Variants in KIAA1217 observed in about 807,000 individuals in gnomAD.
KIAA1217 encodes the protein sickle tail protein homolog.
KIAA1217 carries 88 observed loss-of-function variants against 163.9 expected under a neutral mutation model. That is an observed-to-expected ratio of 0.54 (90% CI 0.45 to 0.64). The LOEUF is 0.64. KIAA1217 is among the 30% of genes least tolerant of loss of function. KIAA1217 has a pLI of 0.00. For synonymous variants in KIAA1217, 903 were observed against 923.1 expected (o/e 0.98, Z 0.39); for missense variants, 2,372 against 2,475.0 (o/e 0.96, Z 0.88).
chr10:23,783,488 A>G (rs758420481), intron 1 of KIAA1217, among the ~76,000 whole-genome samples: 2 of 152,292 alleles, frequency 1.3e-5, no homozygotes, highest in South Asian at 2.1e-4. Context: ...GGATTTTTGC[A>G]TCAATATTTA....
chr10:24,433,295 A>G, intron 4 of KIAA1217, 102 bp downstream of exon 4: 1 of 807,646 alleles, frequency 1.2e-6, no homozygotes, highest in Non-Finnish European at 1.9e-6. Flanking sequence ...ACTATATTGC[A>G]TTTAGAGTGT....
rs200965029 is a variant in KIAA1217, at chr10:24,538,606, AAAAAGAGAGGAAGGAAAAAGAG to A, written c.3534+1715_3534+1736del. 4.3e-3 allele frequency among the ~76,000 whole-genome samples: 277 copies of A among 65,112 alleles called. 1 individual carries two copies. Among genetic ancestry groups the A allele is most frequent in the Admixed American group, 7.5e-3 (46 of 6,098 alleles). 42.7% of individuals were successfully genotyped at this position (65,112 alleles called of 152,430 possible). On this transcript the variant is annotated intron_variant, in intron 17 of 20. Transcript: ENST00000376454. Reference sequence around the variant, plus strand: ...GAAGGAAGGAAGGAAGGAAGGAAGGAAAAAGAGAGGAAGGAAAAAGAGAGGAAGGAAAAAGAGAGGAAGGGAG... The same window carrying A: ...GAAGGAAGGAAGGAAGGAAGGAAGGAAGGAAGGAAAAAGAGAGGAAGGGAG...
At chr10:24,448,737 T>TA (rs1209314697) in intron 5 of KIAA1217, among the ~76,000 whole-genome samples, 1 of 152,188 alleles carries the variant, frequency 6.6e-6, no homozygotes, top group East Asian at 1.9e-4. Flanking sequence ...TCTCTAAACT[T>TA]ACACCGTAAG....
chr10:23,961,272 T>TGAGAGGCAGGAAAAAGAAACA (rs1844809691), intron 1 of KIAA1217, among the ~76,000 whole-genome samples: 1 of 152,224 alleles, frequency 6.6e-6, no homozygotes, highest in Non-Finnish European at 1.5e-5. Flanking sequence ...TGTAAATGAG[T>TGAGAGGCAGGAAAAAGAAACA]GCATTCATTA....
chr10:24,326,477 G>A (rs1039771927), intron 2 of KIAA1217, among the ~76,000 whole-genome samples: 9 of 151,920 alleles, frequency 5.9e-5, no homozygotes, highest in Admixed American at 3.3e-4. Flanking sequence ...TGACAAAAGC[G>A]CTTTTATAAA....
At chr10:24,449,365 A>G (rs2061217858) in intron 5 of KIAA1217, 1 of 659,586 alleles carries the variant, frequency 1.5e-6, no homozygotes, top group Non-Finnish European at 1.9e-6. Context: ...TTATGACAAC[A>G]TGAGCCATAT....
chr10:24,138,986 A>G (rs1207429109), intron 2 of KIAA1217, among the ~76,000 whole-genome samples: 1 of 152,190 alleles, frequency 6.6e-6, no homozygotes, highest in Non-Finnish European at 1.5e-5. Flanking sequence ...TCCTTTACAT[A>G]GGCTCTGAAT....
chr10:24,165,539 A>G lies in KIAA1217; in HGVS notation c.-170-54087A>G, dbSNP rs573759397. The stretch of plus-strand genomic sequence containing the variant: ...GTGGAGGTGGAGGACCCAGAAGCAG[A>G]ACATTTTCTGTACCCATGGGGTATA... On this transcript the variant is annotated intron_variant, in intron 2 of 18. Transcript: ENST00000376462. Among the ~76,000 whole-genome samples, 90 of 152,270 alleles carry G rather than the reference A, an allele frequency of 5.9e-4. 2 individuals are homozygous for G. In the South Asian group the frequency reaches 0.017, roughly 29 times the overall value.
chr10:24,289,827 G>T (rs898830644), intron 2 of KIAA1217, among the ~76,000 whole-genome samples: 2 of 152,236 alleles, frequency 1.3e-5, no homozygotes, highest in Non-Finnish European at 2.9e-5. Context: ...GGGGGTGGTA[G>T]GAGGGAAGGT....
chr10:23,733,753 C>G (rs760327416), intron 1 of KIAA1217, among the ~76,000 whole-genome samples: 1 of 151,976 alleles, frequency 6.6e-6, no homozygotes, highest in African/African-American at 2.4e-5. Context: ...TTTTAAGTGC[C>G]TGCACTTAAC....
In KIAA1217 at chr10:24,533,133, C is replaced by A. The variant is rs2073375128; in HGVS notation, c.3310C>A (p.Pro1104Thr). 1.2e-6 allele frequency: 2 copies of A among 1,613,858 alleles called. No homozygotes were observed. The highest frequency in any genetic ancestry group is 4.5e-5 in the East Asian group (2 of 44,860). ...AGCTACAAAATATCCAGCAGAGGAG[C>A]CTGCTTCAGCCTGGACCCCATCCCC... ...TRATKYPAEE[P>T]ASAWTPSPPP... Residue 1104 changes from proline (P) to threonine (T), a missense_variant, in exon 16 of 21, where the codon CCT becomes ACT. Physicochemically the swap from Pro to Thr is conservative, Grantham distance 38. Around this residue, in one of 3 missense-constraint regions of KIAA1217, gnomAD observed 1,431 missense variants for 1,470.3 expected, o/e 0.97. Coordinates refer to ENST00000376454, the MANE Select transcript of KIAA1217 (RefSeq NM_019590.5).
chr10:24,378,734 G>C (rs565134952), intron 2 of KIAA1217, among the ~76,000 whole-genome samples: 2 of 152,248 alleles, frequency 1.3e-5, no homozygotes, highest in Non-Finnish European at 2.9e-5. Flanking sequence ...TCAGCAGCAA[G>C]CTGGCATCAG....
At chr10:24,152,150 C>T (rs1023074840) in intron 2 of KIAA1217, among the ~76,000 whole-genome samples, 11 of 152,086 alleles carry the variant, frequency 7.2e-5, no homozygotes, top group African/African-American at 2.4e-4. Flanking sequence ...TGGGCAATAA[C>T]CTCTCTCTTT....
chr10:24,158,271 G>T, intron 2 of KIAA1217: 3 of 717,576 alleles, frequency 4.2e-6, no homozygotes, highest in South Asian at 2.7e-5. Context: ...CATGAAAGAT[G>T]ACATTTTCTC....
intron 9 of KIAA1217, among the ~76,000 whole-genome samples, chr10:24,503,146 A>C (rs2134015164): frequency 6.6e-6 from 1 of 152,312 alleles, no homozygotes; most frequent in Non-Finnish European, 1.5e-5. Flanking sequence ...ATGAAAGCTA[A>C]GAAAACAATT....
chr10:24,414,630 C>G (rs747404297), intron 3 of KIAA1217, among the ~76,000 whole-genome samples: 1 of 152,176 alleles, frequency 6.6e-6, no homozygotes, highest in Non-Finnish European at 1.5e-5. Context: ...AATCTGGAAG[C>G]AGGAGTTGTA....
chr10:23,802,636 C>T (rs932475236), intron 1 of KIAA1217, among the ~76,000 whole-genome samples: 24 of 152,254 alleles, frequency 1.6e-4, no homozygotes, highest in African/African-American at 5.5e-4. Flanking sequence ...ATAGAAATGC[C>T]AGTTATCTTT....
intron 2 of KIAA1217, among the ~76,000 whole-genome samples, chr10:24,344,113 G>A (rs1379571381): frequency 6.6e-6 from 1 of 152,130 alleles, no homozygotes; most frequent in Non-Finnish European, 1.5e-5. Context: ...TAGTGTTCAC[G>A]ATGACATTGT....
chr10:24,542,840 C>G, intron 18 of KIAA1217, 43 bp from the exon 19 acceptor site: 1 of 1,610,036 alleles, frequency 6.2e-7, no homozygotes, highest in South Asian at 1.1e-5. Context: ...AGATCCATTG[C>G]TGATTAACGT....
Sources: allele counts gnomAD v4.1 joint callset (sites outside exome capture counted in the v4.1 genomes callset), GRCh38; gene constraint gnomAD v4.1.1; regional missense constraint gnomAD v4.1.1; transcripts MANE v1.5; gene names NCBI Gene and HGNC (gene_info 2026-07-23, HGNC 2026-07-21).